The following ARHGAP44 variants were observed in gnomAD, a reference collection of about 807,000 sequenced individuals.
ARHGAP44 encodes Rho GTPase activating protein 44, also known as rho GTPase-activating protein 44.
A neutral mutation model predicts 106.8 loss-of-function variants in ARHGAP44; 43 were observed. That is an observed-to-expected ratio of 0.40 (90% CI 0.32 to 0.52). ARHGAP44 has a LOEUF of 0.52. Among genes scored for constraint, ARHGAP44 ranks in the 20% least tolerant of loss-of-function variants. The pLI is 0.48. For missense variants in ARHGAP44, 866 were observed against 1,050.5 expected (o/e 0.82, Z 2.43); for synonymous variants, 439 against 410.3 (o/e 1.07, Z -0.85).
chr17:12,857,480 C>T (rs1248100811), intron 1 of ARHGAP44, among the ~76,000 whole-genome samples: 2 of 152,128 alleles, frequency 1.3e-5, no homozygotes, highest in Admixed American at 6.5e-5. Flanking sequence ...CTTATAAAGC[C>T]ACCAGTCCTA....
intron 10 of ARHGAP44, among the ~76,000 whole-genome samples, chr17:12,944,558 T>A (rs2038799330): frequency 6.6e-6 from 1 of 152,078 alleles, no homozygotes; most frequent in African/African-American, 2.4e-5. Flanking sequence ...CGATCTTGGT[T>A]CACTGCAACC....
At chr17:12,969,932 G>A (rs763163357) in intron 16 of ARHGAP44, among the ~76,000 whole-genome samples, 74 of 152,092 alleles carry the variant, frequency 4.9e-4, no homozygotes, top group Non-Finnish European at 9.6e-4. Context: ...TAGAGGCCTG[G>A]GTCGTTCTAG....
intron 1 of ARHGAP44, among the ~76,000 whole-genome samples, chr17:12,859,428 A>G (rs2036003312): frequency 6.6e-6 from 1 of 152,182 alleles, no homozygotes; most frequent in Non-Finnish European, 1.5e-5. Context: ...TAAGTCCTAG[A>G]TCTGCCCCCT....
intron 13 of ARHGAP44, 137 bp downstream of exon 13, chr17:12,952,718 G>GTT: frequency 4.7e-6 from 2 of 421,170 alleles, no homozygotes; most frequent in Non-Finnish European, 4.2e-6. Flanking sequence ...AACATGCATG[G>GTT]TCTCTTTTTT....
intron 4 of ARHGAP44, among the ~76,000 whole-genome samples, chr17:12,912,591 A>G (rs927000369): frequency 1.3e-5 from 2 of 152,188 alleles, no homozygotes; most frequent in African/African-American, 4.8e-5. Flanking sequence ...GAGCTCCAAT[A>G]CAATGGGAAG....
rs4577129 is a variant in ARHGAP44 at position 12,981,731 on chromosome 17, C to A, written c.1939+1498C>A. Among the ~76,000 whole-genome samples, 1,226 of 151,432 alleles carry A rather than the reference C, an allele frequency of 8.1e-3. 52 individuals are homozygous for A. In the East Asian group the frequency reaches 0.13, roughly 16 times the overall value. ...CTTTGTTTTAGAGTCCTTTAACTGG[C>A]CGGACGCAGTGGCCCCTGCCTGTAA... On this transcript the variant is annotated intron_variant, in intron 19 of 20. Transcript: ENST00000379672.
chr17:12,929,174 C>A, intron 7 of ARHGAP44, 128 bp downstream of exon 7: 1 of 838,950 alleles, frequency 1.2e-6, no homozygotes, highest in Non-Finnish European at 1.9e-6. Context: ...GTCCCCAAGC[C>A]CGCCGGCTAG....
At chr17:12,972,958 G>A (rs2039567367) in intron 16 of ARHGAP44, 1 of 212,474 alleles carries the variant, frequency 4.7e-6, no homozygotes, top group South Asian at 1.1e-4. Context: ...ATGGCGCCTG[G>A]TCATAAATAA....
chr17:12,973,414 C>A, intron 17 of ARHGAP44, 95 bp downstream of exon 17: 2 of 1,344,422 alleles, frequency 1.5e-6, no homozygotes, highest in Non-Finnish European at 2.1e-6. Flanking sequence ...GTGAATGCGC[C>A]GCGTCTGGTT....
chr17:12,943,926 C>A, intron 9 of ARHGAP44, 143 bp from the exon 10 acceptor site: 2 of 1,261,162 alleles, frequency 1.6e-6, no homozygotes, highest in Non-Finnish European at 2.1e-6. Flanking sequence ...TCCTGTCATC[C>A]TTAAAACCAC....
rs1210266084 is a variant in ARHGAP44, at chr17:12,984,865, C to T, written c.2274C>T (p.Ala758=). 3 of 1,613,834 alleles carry T rather than the reference C, an allele frequency of 1.9e-6. No individual in the cohort carries two copies. The highest frequency in any genetic ancestry group is 1.1e-5 in the South Asian group (1 of 91,074). The change falls in exon 20 of 21, where the codon GCC becomes GCT. Residue 758 remains alanine, a synonymous_variant. Transcript: ENST00000379672. ...LSASSPQSTE[A]PMLDGMSPGE... is the part of the protein sequence containing the mutation. ...CCTCTAGTCCACAGTCCACGGAGGC[C>T]CCCATGCTAGATGGCATGTCCCCTG...
At chr17:12,862,765 T>G (rs1407997298) in intron 1 of ARHGAP44, among the ~76,000 whole-genome samples, 1 of 151,484 alleles carries the variant, frequency 6.6e-6, no homozygotes, top group African/African-American at 2.4e-5. Flanking sequence ...GAGGCTGAGG[T>G]GGCAGGATCA....
chr17:12,808,498 CTCAAT>C (rs1293922686), intron 1 of ARHGAP44, among the ~76,000 whole-genome samples: 2 of 152,234 alleles, frequency 1.3e-5, no homozygotes, highest in African/African-American at 2.4e-5. Context: ...CACCCACGGG[CTCAAT>C]ACCATGTGGA....
chr17:12,858,384 C>T (rs2150861692), intron 1 of ARHGAP44, among the ~76,000 whole-genome samples: 1 of 152,326 alleles, frequency 6.6e-6, no homozygotes, highest in Non-Finnish European at 1.5e-5. Context: ...TTACTGGCTG[C>T]AGTTGTGACC....
intron 6 of ARHGAP44, among the ~76,000 whole-genome samples, chr17:12,920,293 G>A (rs1230462628): frequency 7.2e-6 from 1 of 138,232 alleles, no homozygotes; most frequent in Non-Finnish European, 1.5e-5. Context: ...GGAGAATGGT[G>A]TGAACCGGGG....
chr17:12,974,176 G>T lies in ARHGAP44; in HGVS notation c.1629G>T (p.Met543Ile), dbSNP rs1284186430. The stretch of plus-strand genomic sequence containing the variant: ...AAGTGTCCTGCGCCCCGCCCTCCAT[G>T]CAGCCTCCCGCCCCGCCCGCCGAGC... ...GRKVSCAPPS[M>I]QPPAPPAELA... The change falls in exon 18 of 21, where the codon ATG becomes ATT. Residue 543 changes from methionine (M) to isoleucine (I), a missense_variant. By Grantham distance (10) the Met-to-Ile change is conservative. Transcript: ENST00000379672. 6.5e-7 allele frequency: 1 copy of T among 1,549,914 alleles called. No individual in the cohort carries two copies. Among genetic ancestry groups the T allele is most frequent in the Non-Finnish European group, 8.7e-7 (1 of 1,147,340 alleles).
chr17:12,950,545 C>T (rs571794720), intron 12 of ARHGAP44, among the ~76,000 whole-genome samples: 2 of 152,164 alleles, frequency 1.3e-5, no homozygotes, highest in African/African-American at 4.8e-5. Context: ...CTCGGTTATG[C>T]GTGCATTAGG....
Position 12,958,908 on chromosome 17 carries a change from G to A in ARHGAP44, c.1523+11G>A. On this transcript the variant is annotated intron_variant, in intron 16 of 20. Coordinates refer to ENST00000379672, the MANE Select transcript of ARHGAP44 (RefSeq NM_014859.6). The surrounding 1 kb of genome is among the most constrained non-coding windows in gnomAD (Gnocchi z 4.1). ...TTACAAAAAGGATGGGTATGAACTG[G>A]TGTCTCTTTCTCAGCACTGGGGATT... The A allele has an allele frequency of 6.3e-7, 1 of 1,598,106 alleles. No homozygotes were observed. Among genetic ancestry groups the A allele is most frequent in the East Asian group, 2.3e-5 (1 of 44,428 alleles).
chr17:12,955,729 G>A (rs980461606), intron 13 of ARHGAP44, 138 bp from the exon 14 acceptor site: 39 of 589,462 alleles, frequency 6.6e-5, no homozygotes, highest in Middle Eastern at 2.7e-4. Flanking sequence ...GACACGTGAC[G>A]CATGTTCATT....
Sources: allele counts gnomAD v4.1 joint callset (sites outside exome capture counted in the v4.1 genomes callset), GRCh38; gene constraint gnomAD v4.1.1; non-coding constraint Gnocchi (gnomAD v3.1); transcripts MANE v1.5; gene names NCBI Gene and HGNC (gene_info 2026-07-23, HGNC 2026-07-21).